Variants in CAST observed in about 807,000 individuals in gnomAD.
The protein encoded by CAST is calpastatin, also known as MIR583 host.
CAST carries 76 observed loss-of-function variants against 119.6 expected under a neutral mutation model. The ratio of observed to expected loss-of-function variants is 0.64; its 90% CI spans 0.53 to 0.77. CAST has a LOEUF of 0.77. Ranked by LOEUF, CAST falls within the 30% of genes least tolerant of loss-of-function variation. CAST has a pLI of 0.00. For missense variants in CAST, 953 were observed against 946.5 expected, an observed-to-expected ratio of 1.01 and a Z score of -0.09; for synonymous variants, 319 against 331.6, an observed-to-expected ratio of 0.96 and a Z score of 0.41.
At chr5:96,347,846 C>T in the CAST span, among the ~76,000 whole-genome samples, 2 of 152,114 alleles carry the variant, frequency 1.3e-5, no homozygotes, top group African/African-American at 2.4e-5. Flanking sequence ...GCTGTGCAGC[C>T]ACTAACCGTG....
At chr5:96,083,739 T>C in the CAST span, among the ~76,000 whole-genome samples, 1 of 152,226 alleles carries the variant, frequency 6.6e-6, no homozygotes, top group Non-Finnish European at 1.5e-5. Context: ...ATTTTTGACA[T>C]GTGGGGACTA....
the CAST span, among the ~76,000 whole-genome samples, chr5:96,002,693 T>C: frequency 6.6e-6 from 1 of 152,164 alleles, no homozygotes; most frequent in Non-Finnish European, 1.5e-5. Flanking sequence ...AGTGAATGGC[T>C]GGCAGACACA....
chr5:96,567,096 A>G (rs1746480434), intron 1 of CAST, among the ~76,000 whole-genome samples: 1 of 152,216 alleles, frequency 6.6e-6, no homozygotes, highest in Non-Finnish European at 1.5e-5. Flanking sequence ...TATCAGCAGA[A>G]AAGAAGAGAG....
intron 1 of CAST, among the ~76,000 whole-genome samples, chr5:96,617,619 C>A (rs953879525): frequency 1.3e-5 from 2 of 151,106 alleles, no homozygotes; most frequent in African/African-American, 4.9e-5. Flanking sequence ...GAAACCCCGT[C>A]TCTACTAAAA....
chr5:96,350,958 C>G, the CAST span, among the ~76,000 whole-genome samples: 3 of 152,070 alleles, frequency 2.0e-5, no homozygotes, highest in African/African-American at 7.2e-5. Context: ...CCTTGGTAAC[C>G]ATGTCATGCA....
At chr5:96,155,811 C>G in the CAST span, among the ~76,000 whole-genome samples, 3 of 152,176 alleles carry the variant, frequency 2.0e-5, no homozygotes, top group Non-Finnish European at 4.4e-5. Flanking sequence ...TATGTGGTCT[C>G]TCTATGGCTT....
chr5:96,199,863 A>G, the CAST span, among the ~76,000 whole-genome samples: 1 of 152,100 alleles, frequency 6.6e-6, no homozygotes, highest in Non-Finnish European at 1.5e-5. Flanking sequence ...AGCTTGTTTG[A>G]GCATTTAGTA....
At chr5:96,242,400 A>C in the CAST span, among the ~76,000 whole-genome samples, 1 of 152,222 alleles carries the variant, frequency 6.6e-6, no homozygotes, top group South Asian at 2.1e-4. Flanking sequence ...CAAAGTGCCA[A>C]CATTACCTGC....
chr5:96,203,586 A>C, the CAST span, among the ~76,000 whole-genome samples: 1 of 152,094 alleles, frequency 6.6e-6, no homozygotes, highest in African/African-American at 2.4e-5. Flanking sequence ...ATGCAATATA[A>C]AAGTAGCTGC....
At chr5:96,517,623 G>A in the CAST span, among the ~76,000 whole-genome samples, 3 of 152,212 alleles carry the variant, frequency 2.0e-5, no homozygotes, top group Non-Finnish European at 4.4e-5. Flanking sequence ...GGATGCTAAA[G>A]CAAGTTGACA....
the CAST span, among the ~76,000 whole-genome samples, chr5:96,323,352 G>C: frequency 6.6e-6 from 1 of 152,018 alleles, no homozygotes; most frequent in African/African-American, 2.4e-5. Flanking sequence ...GGTTTCCAGA[G>C]AACATTGTCA....
chr5:96,363,184 A>G, the CAST span, among the ~76,000 whole-genome samples: 2 of 149,080 alleles, frequency 1.3e-5, no homozygotes, highest in East Asian at 2.0e-4. Context: ...GTTCTGTTCC[A>G]TTGGTCTATA....
the CAST span, among the ~76,000 whole-genome samples, chr5:96,476,069 C>T: frequency 6.6e-6 from 1 of 152,180 alleles, no homozygotes; most frequent in Non-Finnish European, 1.5e-5. Context: ...CCCTTCTTCA[C>T]TAGCTGTTGA....
At chr5:96,104,416 G>T in the CAST span, among the ~76,000 whole-genome samples, 2 of 152,158 alleles carry the variant, frequency 1.3e-5, no homozygotes, top group Non-Finnish European at 2.9e-5. Flanking sequence ...TTTGTATAAG[G>T]TGTAAGGAAG....
At chr5:96,699,184 T>C (rs535318363) in intron 3 of CAST, among the ~76,000 whole-genome samples, 2 of 152,334 alleles carry the variant, frequency 1.3e-5, no homozygotes, top group Non-Finnish European at 2.9e-5. Flanking sequence ...ATGAAAATAG[T>C]TGTGATCCAT....
intron 1 of CAST, among the ~76,000 whole-genome samples, chr5:96,590,522 C>G (rs1746944523): frequency 6.6e-6 from 1 of 152,186 alleles, no homozygotes; most frequent in Non-Finnish European, 1.5e-5. Context: ...GTCCCTTAAC[C>G]CCAGTGTGCC....
the CAST span, among the ~76,000 whole-genome samples, chr5:96,232,826 G>A: frequency 6.6e-6 from 1 of 151,978 alleles, no homozygotes; most frequent in Non-Finnish European, 1.5e-5. Flanking sequence ...TGGATAGAGA[G>A]ATTCATAAAA....
chr5:96,718,959 G>A (rs1056121692), intron 3 of CAST, among the ~76,000 whole-genome samples: 3 of 152,156 alleles, frequency 2.0e-5, no homozygotes, highest in African/African-American at 7.2e-5. Context: ...ATCACGGGGA[G>A]GCTGAATGGC....
At chr5:96,759,432 A>T (rs1197507765) in intron 24 of CAST, among the ~76,000 whole-genome samples, 4 of 152,180 alleles carry the variant, frequency 2.6e-5, no homozygotes, top group Non-Finnish European at 5.9e-5. Flanking sequence ...AAAGTCTTTG[A>T]GAAGCAGTCA....
Sources: allele counts gnomAD v4.1 joint callset (sites outside exome capture counted in the v4.1 genomes callset), GRCh38; gene constraint gnomAD v4.1.1; transcripts MANE v1.5; gene names NCBI Gene and HGNC (gene_info 2026-07-23, HGNC 2026-07-21).